The following PCDHA10 variants were observed in gnomAD, a reference collection of about 807,000 sequenced individuals.
PCDHA10 encodes protocadherin alpha-10.
PCDHA10 carries 45 observed loss-of-function variants against 61.2 expected under a neutral mutation model. The observed-to-expected ratio is 0.74, with a 90% CI of 0.58 to 0.94. The LOEUF is 0.94. PCDHA10 is among the 40% of genes least tolerant of loss of function. The pLI is 0.00. For missense variants in PCDHA10, 1,278 were observed against 1,236.2 expected, an observed-to-expected ratio of 1.03 and a Z score of -0.51; for synonymous variants, 602 against 548.8, an observed-to-expected ratio of 1.10 and a Z score of -1.35.
At chr5:140,871,729 G>A in intron 1 of PCDHA10, 1 of 714,516 alleles carries the variant, frequency 1.4e-6, no homozygotes, top group Non-Finnish European at 2.2e-6. Flanking sequence ...TTAATATTTG[G>A]TTAGCAAATC....
At chr5:140,967,236 T>C (rs142898054) in intron 1 of PCDHA10, 53 of 1,613,562 alleles carry the variant, frequency 3.3e-5, no homozygotes, top group Non-Finnish European at 4.2e-5. Context: ...CAGCTTCAGG[T>C]AAGCGAATCG....
At chr5:140,906,443 G>GAAATAA (rs1554192538) in intron 1 of PCDHA10, among the ~76,000 whole-genome samples, 1 of 152,068 alleles carries the variant, frequency 6.6e-6, no homozygotes, top group Non-Finnish European at 1.5e-5. Flanking sequence ...AACAAGAAAG[G>GAAATAA]AAATAAAATG....
At chr5:140,898,233 C>T (rs2066607638) in intron 1 of PCDHA10, among the ~76,000 whole-genome samples, 1 of 152,126 alleles carries the variant, frequency 6.6e-6, no homozygotes, top group African/African-American at 2.4e-5. Flanking sequence ...GTTGCCATTG[C>T]TTTTGGTGTT....
At chr5:140,992,517 G>C (rs78765218) in intron 3 of PCDHA10, among the ~76,000 whole-genome samples, 388 of 152,300 alleles carry the variant, frequency 2.5e-3, no homozygotes, top group African/African-American at 8.8e-3. Flanking sequence ...GGGCATGGTA[G>C]CTAATGGAAA....
At chr5:140,976,424 G>A (rs2096715736) in intron 1 of PCDHA10, among the ~76,000 whole-genome samples, 1 of 152,114 alleles carries the variant, frequency 6.6e-6, no homozygotes, top group Non-Finnish European at 1.5e-5. Flanking sequence ...GGTGGCAGAT[G>A]CCTGTAATCC....
intron 1 of PCDHA10, among the ~76,000 whole-genome samples, chr5:140,935,749 A>G (rs1245640487): frequency 6.6e-6 from 1 of 152,172 alleles, no homozygotes; most frequent in African/African-American, 2.4e-5. Flanking sequence ...ATTCCATACA[A>G]TACACATTCT....
chr5:140,868,946 G>C, intron 1 of PCDHA10: 1 of 1,292,216 alleles, frequency 7.7e-7, no homozygotes, highest in Non-Finnish European at 1.1e-6. Flanking sequence ...TCTGAACAGT[G>C]AGGCACTCCC....
Position 140,876,759 on chromosome 5 carries a change from T to C in PCDHA10, c.2388+18323T>C, listed in dbSNP as rs782783090. The C allele has an allele frequency of 1.2e-5, 19 of 1,614,028 alleles. No homozygotes were observed. In the Admixed American group the frequency reaches 2.8e-4, roughly 24 times the overall value. Reference sequence around the variant, plus strand: ...ATGAGCTGGTGGTGACTGCGCGGGATGGGGGCTCGCCTTCGCTGTGGGCCA... The same window carrying C: ...ATGAGCTGGTGGTGACTGCGCGGGACGGGGGCTCGCCTTCGCTGTGGGCCA... On this transcript the variant is annotated intron_variant, in intron 1 of 3. Transcript: ENST00000307360.
At chr5:140,908,384 C>T (rs573373685) in intron 1 of PCDHA10, among the ~76,000 whole-genome samples, 2 of 152,172 alleles carry the variant, frequency 1.3e-5, no homozygotes, top group African/African-American at 2.4e-5. Flanking sequence ...TGCTCGAGCC[C>T]GATCACATAT....
chr5:140,901,307 T>A (rs544600785), intron 1 of PCDHA10, among the ~76,000 whole-genome samples: 1 of 152,264 alleles, frequency 6.6e-6, no homozygotes, highest in East Asian at 1.9e-4. Context: ...TTCCGGAGAG[T>A]TTCCCCAATG....
chr5:140,921,151 ATTT>A (rs11299094), intron 1 of PCDHA10, among the ~76,000 whole-genome samples: 3 of 151,512 alleles, frequency 2.0e-5, no homozygotes, highest in South Asian at 2.1e-4. Context: ...CAGCTAATGC[ATTT>A]TTTTTTTAAC....
intron 1 of PCDHA10, among the ~76,000 whole-genome samples, chr5:140,942,794 A>C (rs782783696): frequency 2.6e-4 from 39 of 152,326 alleles, no homozygotes; most frequent in Middle Eastern, 3.4e-3. Flanking sequence ...TTACAAAGGC[A>C]TGTTTTCCAC....
At chr5:140,969,221 C>A (rs1222433541) in intron 1 of PCDHA10, 1 of 1,614,040 alleles carries the variant, frequency 6.2e-7, no homozygotes, top group African/African-American at 1.3e-5. Context: ...AGGACCAGGG[C>A]CTTCGGGAGC....
chr5:140,901,493 G>A (rs1407022584), intron 1 of PCDHA10, among the ~76,000 whole-genome samples: 7 of 152,016 alleles, frequency 4.6e-5, no homozygotes, highest in Admixed American at 3.9e-4. Flanking sequence ...CACCTTCATC[G>A]AAAATGAGTT....
At chr5:140,969,923 A>G (rs1270842223) in intron 1 of PCDHA10, among the ~76,000 whole-genome samples, 3 of 152,234 alleles carry the variant, frequency 2.0e-5, no homozygotes, top group Non-Finnish European at 4.4e-5. Flanking sequence ...AAGCTGTAGT[A>G]TTTAGACATC....
In PCDHA10 at chr5:141,011,697, T is replaced by A. The variant is rs1187125634; in HGVS notation, c.*1760T>A. ...TTTTGTTCTAGTAACAATTTTGGAATGAATACTGACAATATTCCATGAGGG... is the reference window on the plus strand; with the variant it reads ...TTTTGTTCTAGTAACAATTTTGGAAAGAATACTGACAATATTCCATGAGGG... On this transcript the variant is annotated 3_prime_UTR_variant, in exon 4 of 4. Transcript: ENST00000307360. 2 of 153,778 alleles carry A rather than the reference T, an allele frequency of 1.3e-5. No homozygotes were observed. Among genetic ancestry groups the A allele is most frequent in the Non-Finnish European group, 2.9e-5 (2 of 68,036 alleles). The allele number at this position is 153,778 out of a possible 1,614,324, so 9.5% of individuals were successfully genotyped here.
intron 1 of PCDHA10, among the ~76,000 whole-genome samples, chr5:140,897,318 A>T (rs1420123207): frequency 1.4e-5 from 2 of 145,668 alleles, no homozygotes; most frequent in African/African-American, 2.5e-5. Flanking sequence ...TATCTCCTAA[A>T]GCTATCCCTC....
At chr5:140,999,973 C>A (rs1370727292) in intron 3 of PCDHA10, among the ~76,000 whole-genome samples, 2 of 152,082 alleles carry the variant, frequency 1.3e-5, no homozygotes, top group African/African-American at 4.8e-5. Context: ...AGTAGCAGCT[C>A]TAGCGGCCTC....
At chr5:140,895,994 A>G (rs1554186774) in intron 1 of PCDHA10, among the ~76,000 whole-genome samples, 1 of 152,038 alleles carries the variant, frequency 6.6e-6, no homozygotes, top group Non-Finnish European at 1.5e-5. Context: ...TATTTTAAGT[A>G]GAGACAGGGT....
Sources: gnomAD v4.1 joint callset for allele counts (sites outside exome capture counted in the v4.1 genomes callset) on GRCh38, gnomAD v4.1.1 for gene constraint, MANE v1.5 for transcripts, NCBI Gene and HGNC (gene_info 2026-07-23, HGNC 2026-07-21) for gene names.